The following SETD3 variants were observed in gnomAD, a reference collection of about 807,000 sequenced individuals.
SETD3 encodes actin-histidine N-methyltransferase.
SETD3 carries 19 observed loss-of-function variants against 63.0 expected under a neutral mutation model. The observed-to-expected ratio is 0.30, with a 90% CI of 0.21 to 0.44. SETD3 has a LOEUF of 0.44. Ranked by LOEUF, SETD3 falls within the 20% of genes least tolerant of loss-of-function variation. The pLI, the probability that SETD3 is intolerant of heterozygous loss-of-function variation, is 1.00. For missense variants in SETD3, 587 were observed against 728.5 expected (o/e 0.81, Z 2.24); for synonymous variants, 286 against 264.1 (o/e 1.08, Z -0.80).
Position 99,480,855 on chromosome 14 carries a change from A to C in SETD3, c.-136T>G, listed in dbSNP as rs1289660337. Reference sequence around the variant, plus strand: ...GGCCGGACGGGAGGGGCGGGACGGCAGCCTGAGACGGCCCCGCGACCGCGG... The same window carrying C: ...GGCCGGACGGGAGGGGCGGGACGGCCGCCTGAGACGGCCCCGCGACCGCGG... On this transcript the variant is annotated 5_prime_UTR_variant, in exon 1 of 13. Transcript: ENST00000331768. 1 of 155,856 alleles carries C rather than the reference A, an allele frequency of 6.4e-6. No homozygotes were observed. The highest frequency in any genetic ancestry group is 1.4e-5 in the Non-Finnish European group (1 of 71,618). 9.7% of individuals were successfully genotyped at this position (155,856 alleles called of 1,614,324 possible).
chr14:99,448,312 A>G (rs1203147377), intron 6 of SETD3, among the ~76,000 whole-genome samples: 1 of 152,176 alleles, frequency 6.6e-6, no homozygotes. Context: ...CCACTGTCAC[A>G]GTGGCAGTGG....
At chr14:99,481,782 G>A (rs1001682052), upstream of SETD3, among the ~76,000 whole-genome samples, 2 of 152,224 alleles carry the variant, frequency 1.3e-5, no homozygotes, top group African/African-American at 2.4e-5. Flanking sequence ...GGGCAAAAGG[G>A]GCAGCGGTGT....
intron 1 of SETD3, among the ~76,000 whole-genome samples, chr14:99,475,814 T>C (rs1895944632): frequency 6.6e-6 from 1 of 152,230 alleles, no homozygotes; most frequent in Non-Finnish European, 1.5e-5. Context: ...TTCCTGCACA[T>C]TTCCTGAGAA....
At chr14:99,462,662 C>T (rs1336271474) in intron 3 of SETD3, among the ~76,000 whole-genome samples, 2 of 152,164 alleles carry the variant, frequency 1.3e-5, no homozygotes, top group Non-Finnish European at 2.9e-5. Context: ...CAAATAAACC[C>T]ATTATGAAGG....
chr14:99,411,545 T>C (rs1421227338), intron 8 of SETD3: 2 of 152,168 alleles, frequency 1.3e-5, no homozygotes, highest in African/African-American at 2.4e-5. Flanking sequence ...TTTGTTTGTT[T>C]AGAGTAAAGC....
At chr14:99,463,682 T>C (rs779308727) in intron 2 of SETD3, 104 bp from the exon 3 acceptor site, 78 of 890,590 alleles carry the variant, frequency 8.8e-5, no homozygotes, top group Non-Finnish European at 1.3e-4. Flanking sequence ...TGTTCTGGGG[T>C]TGGTTTATTT....
Position 99,472,662 on chromosome 14 carries a change from A to G in SETD3, c.-8-6849T>C, listed in dbSNP as rs540111644. Among the ~76,000 whole-genome samples, 16 of 152,334 alleles carry G rather than the reference A, an allele frequency of 1.1e-4. 1 individual carries two copies. In the Middle Eastern group the frequency reaches 0.02, roughly 194 times the overall value. ...TTATATTAGGAAAATATAAATGCAT[A>G]CTGAATTAATTATATGTGCATACAC... On this transcript the variant is annotated intron_variant, in intron 1 of 12. Coordinates refer to ENST00000331768, the MANE Select transcript of SETD3 (RefSeq NM_032233.3).
chr14:99,449,524 G>A (rs1303224265), intron 6 of SETD3, among the ~76,000 whole-genome samples: 1 of 152,022 alleles, frequency 6.6e-6, no homozygotes, highest in Non-Finnish European at 1.5e-5. Context: ...GCATACTGAG[G>A]GACCTCTACA....
intron 6 of SETD3, among the ~76,000 whole-genome samples, chr14:99,442,302 C>CTGAG (rs1452932399): frequency 1.3e-5 from 2 of 152,190 alleles, no homozygotes; most frequent in African/African-American, 4.8e-5. Flanking sequence ...GTTTTGGCTA[C>CTGAG]TGAGTGCTTT....
intron 6 of SETD3, among the ~76,000 whole-genome samples, chr14:99,457,058 T>C (rs985350566): frequency 6.6e-6 from 1 of 152,308 alleles, no homozygotes; most frequent in Middle Eastern, 3.4e-3. Flanking sequence ...ATGAAAGATA[T>C]ACCATTGAGA....
intron 11 of SETD3, among the ~76,000 whole-genome samples, chr14:99,403,635 C>G (rs980909480): frequency 6.6e-6 from 1 of 152,278 alleles, no homozygotes; most frequent in Non-Finnish European, 1.5e-5. Flanking sequence ...AAAGTAGATG[C>G]TCAATACAAA....
At chr14:99,403,453 A>ACTCTCTCTCTCTCTCTCTCTCT (rs1188702914) in intron 11 of SETD3, among the ~76,000 whole-genome samples, 35 of 106,174 alleles carry the variant, frequency 3.3e-4, no homozygotes, top group South Asian at 2.4e-3. Flanking sequence ...ACACACACAC[A>ACTCTCTCTCTCTCTCTCTCTCT]CACTCTCTCT....
At chr14:99,435,244 T>C (rs921703274) in intron 6 of SETD3, among the ~76,000 whole-genome samples, 27 of 152,086 alleles carry the variant, frequency 1.8e-4, no homozygotes, top group Non-Finnish European at 1.2e-4. Flanking sequence ...CTTTAAAGTA[T>C]AGCTATATTT....
chr14:99,466,236 T>C (rs1895364699), intron 1 of SETD3, among the ~76,000 whole-genome samples: 1 of 152,230 alleles, frequency 6.6e-6, no homozygotes, highest in African/African-American at 2.4e-5. Flanking sequence ...CCATTAACCA[T>C]AACTGTATCA....
rs753931938 is a variant in SETD3, at chr14:99,458,417, G to T, written c.537C>A (p.Leu179=). Residue 179 remains leucine, a synonymous_variant, in exon 6 of 13, where the codon CTC becomes CTA. Transcript: ENST00000331768. Reference sequence around the variant, plus strand: ...AGAGAGGAGTGTCATATTCACTGGGGAGGGTTTGAATATAGGGCTGCCAGA... The same window carrying T: ...AGAGAGGAGTGTCATATTCACTGGGTAGGGTTTGAATATAGGGCTGCCAGA... ...NSFWQPYIQT[L]PSEYDTPLYF... 7 of 1,614,118 alleles carry T rather than the reference G, an allele frequency of 4.3e-6. No individual in the cohort carries two copies. The highest frequency in any genetic ancestry group is 1.6e-4 in the Middle Eastern group (1 of 6,062).
At chr14:99,399,888 T>C (rs888945927) in intron 12 of SETD3, among the ~76,000 whole-genome samples, 4 of 151,776 alleles carry the variant, frequency 2.6e-5, no homozygotes, top group African/African-American at 9.7e-5. Context: ...GTAGCTGGGA[T>C]TACAGACCAC....
At chr14:99,399,200 G>A in intron 12 of SETD3, 75 bp from the exon 13 acceptor site, 1 of 1,361,152 alleles carries the variant, frequency 7.3e-7, no homozygotes, top group Non-Finnish European at 1.0e-6. Context: ...CACAACGGCT[G>A]GGGATGGGGA....
chr14:99,419,828 A>G (rs1892488982), intron 6 of SETD3, among the ~76,000 whole-genome samples: 1 of 152,180 alleles, frequency 6.6e-6, no homozygotes, highest in South Asian at 2.1e-4. Context: ...TGTATACTCT[A>G]TGATGGGCAA....
intron 8 of SETD3, among the ~76,000 whole-genome samples, chr14:99,407,838 G>A (rs1351346664): frequency 2.0e-5 from 3 of 152,156 alleles, no homozygotes; most frequent in East Asian, 1.9e-4. Context: ...GCCCCTTGTT[G>A]ATCTCTGTGT....
Sources: gnomAD v4.1 joint callset for allele counts (sites outside exome capture counted in the v4.1 genomes callset) on GRCh38, gnomAD v4.1.1 for gene constraint, MANE v1.5 for transcripts, NCBI Gene and HGNC (gene_info 2026-07-23, HGNC 2026-07-21) for gene names.